FBXL7: variants seen among roughly 807,000 people sequenced by gnomAD.
FBXL7 encodes the protein F-box/LRR-repeat protein 7.
Under a neutral mutation model 38.3 loss-of-function variants are expected in FBXL7, and 12 were observed. The observed-to-expected ratio is 0.31, with a 90% CI of 0.20 to 0.51. The LOEUF (loss-of-function observed/expected upper bound fraction) is 0.51. Among genes scored for constraint, FBXL7 ranks in the 20% least tolerant of loss-of-function variants. The pLI is 0.98. For synonymous variants in FBXL7, 297 were observed against 300.9 expected (o/e 0.99, Z 0.13); for missense variants, 567 against 676.4 (o/e 0.84, Z 1.79).
intron 1 of FBXL7, among the ~76,000 whole-genome samples, chr5:15,531,366 T>G (rs933917023): frequency 1.5e-4 from 23 of 152,336 alleles, no homozygotes; most frequent in African/African-American, 5.3e-4. Context: ...TTTCAAAAAT[T>G]CTCGTTAAAA....
intron 2 of FBXL7, among the ~76,000 whole-genome samples, chr5:15,625,420 G>A (rs575276812): frequency 1.3e-4 from 20 of 152,252 alleles, no homozygotes; most frequent in African/African-American, 3.6e-4. Context: ...TTGGGAAGCC[G>A]AGGTGGCCGA....
chr5:15,791,810 T>C (rs1426836071), intron 2 of FBXL7, among the ~76,000 whole-genome samples: 2 of 152,154 alleles, frequency 1.3e-5, no homozygotes, highest in African/African-American at 4.8e-5. Context: ...TGCCCGTTAC[T>C]CAGTTCCAAA....
chr5:15,924,190 T>C (rs2126451231), intron 2 of FBXL7, among the ~76,000 whole-genome samples: 1 of 152,354 alleles, frequency 6.6e-6, no homozygotes, highest in South Asian at 2.1e-4. Context: ...CTATTCATTC[T>C]AGATGATTAC....
intron 2 of FBXL7, among the ~76,000 whole-genome samples, chr5:15,717,064 T>C (rs1337858468): frequency 6.6e-6 from 1 of 152,226 alleles, no homozygotes; most frequent in African/African-American, 2.4e-5. Context: ...GGTATGACTT[T>C]ACCTAAACCA....
At chr5:15,659,431 G>A (rs1483764074) in intron 2 of FBXL7, among the ~76,000 whole-genome samples, 1 of 152,172 alleles carries the variant, frequency 6.6e-6, no homozygotes, top group African/African-American at 2.4e-5. Flanking sequence ...GTCTTACAGT[G>A]TGTTGGTGGA....
chr5:15,656,886 T>C (rs1216811209), intron 2 of FBXL7, among the ~76,000 whole-genome samples: 1 of 152,178 alleles, frequency 6.6e-6, no homozygotes, highest in East Asian at 1.9e-4. Context: ...AAATGACTTA[T>C]GTAAATTGTA....
At chr5:15,661,305 GTTCT>G (rs1231908612) in intron 2 of FBXL7, among the ~76,000 whole-genome samples, 6 of 151,988 alleles carry the variant, frequency 3.9e-5, no homozygotes, top group African/African-American at 1.4e-4. Context: ...TTTTTTGTCA[GTTCT>G]TTGAGATTTT....
intron 1 of FBXL7, among the ~76,000 whole-genome samples, chr5:15,586,486 C>T (rs934772958): frequency 2.0e-5 from 3 of 151,902 alleles, no homozygotes; most frequent in Admixed American, 2.0e-4. Flanking sequence ...ACTTTAACCT[C>T]TGGGTGGAAA....
rs1052401092 is a variant in FBXL7, at chr5:15,747,103, A to G, written c.127+131031A>G. Among the ~76,000 whole-genome samples the G allele has an allele frequency of 9.2e-5, 14 of 152,324 alleles. No individual in the cohort carries two copies. The East Asian group carries it at 2.5e-3, about 27-fold the overall frequency. On this transcript the variant is annotated intron_variant, in intron 2 of 3. Coordinates refer to ENST00000504595, the MANE Select transcript of FBXL7 (RefSeq NM_012304.5). ...GACCCTGAGCCACAACTTTGCCCTC[A>G]GAAAGATGAGAAGGGAGGTGGGAAT...
At chr5:15,913,015 G>C (rs1050128346) in intron 2 of FBXL7, among the ~76,000 whole-genome samples, 1 of 152,128 alleles carries the variant, frequency 6.6e-6, no homozygotes, top group Non-Finnish European at 1.5e-5. Flanking sequence ...GTCTCTTTAC[G>C]TGTTCTTTCT....
At chr5:15,503,540 G>C (rs1048194311) in intron 1 of FBXL7, among the ~76,000 whole-genome samples, 22 of 152,264 alleles carry the variant, frequency 1.4e-4, no homozygotes, top group Admixed American at 5.9e-4. Context: ...TAAGGCAAAC[G>C]CCAGCCTGTA....
chr5:15,792,790 A>G (rs1737310625), intron 2 of FBXL7, among the ~76,000 whole-genome samples: 2 of 152,126 alleles, frequency 1.3e-5, no homozygotes, highest in Admixed American at 1.3e-4. Flanking sequence ...CAGTGGAGGG[A>G]TGAGGCCCCC....
At chr5:15,573,061 C>T (rs1236886783) in intron 1 of FBXL7, among the ~76,000 whole-genome samples, 1 of 152,200 alleles carries the variant, frequency 6.6e-6, no homozygotes, top group Non-Finnish European at 1.5e-5. Context: ...TTAATCACCT[C>T]CCCTTCCCCC....
chr5:15,676,393 G>A (rs1012540009), intron 2 of FBXL7, among the ~76,000 whole-genome samples: 7 of 152,168 alleles, frequency 4.6e-5, no homozygotes, highest in African/African-American at 1.7e-4. Flanking sequence ...AATGCAGCAG[G>A]GTATTGATGC....
intron 2 of FBXL7, among the ~76,000 whole-genome samples, chr5:15,921,746 C>T (rs145191383): frequency 2.7e-4 from 41 of 152,256 alleles, no homozygotes; most frequent in African/African-American, 8.7e-4. Flanking sequence ...TGAAAAGGTG[C>T]TCAATATCAC....
intron 2 of FBXL7, among the ~76,000 whole-genome samples, chr5:15,639,371 T>C (rs1376891590): frequency 6.6e-6 from 1 of 152,084 alleles, no homozygotes; most frequent in African/African-American, 2.4e-5. Context: ...CATTGAATCA[T>C]GGGGGTGGGT....
intron 2 of FBXL7, among the ~76,000 whole-genome samples, chr5:15,882,949 T>C (rs1050082054): frequency 1.5e-5 from 2 of 130,066 alleles, no homozygotes; most frequent in Non-Finnish European, 3.2e-5. Context: ...TTTTCTGATA[T>C]ATCACTTTAA....
At chr5:15,869,562 A>G (rs1205547538) in intron 2 of FBXL7, among the ~76,000 whole-genome samples, 1 of 152,120 alleles carries the variant, frequency 6.6e-6, no homozygotes. Context: ...TTGGTATCTT[A>G]TCCAAATCCT....
At chr5:15,918,355 C>T (rs1321249742) in intron 2 of FBXL7, among the ~76,000 whole-genome samples, 1 of 152,162 alleles carries the variant, frequency 6.6e-6, no homozygotes, top group Non-Finnish European at 1.5e-5. Context: ...GACTCACACA[C>T]TTTCTGAGGC....
Sources: allele counts gnomAD v4.1 joint callset (sites outside exome capture counted in the v4.1 genomes callset), GRCh38; gene constraint gnomAD v4.1.1; transcripts MANE v1.5; gene names NCBI Gene and HGNC (gene_info 2026-07-23, HGNC 2026-07-21).